PREX2: variants seen among roughly 807,000 people sequenced by gnomAD.
PREX2 encodes the protein phosphatidylinositol 3,4,5-trisphosphate-dependent Rac exchanger 2 protein.
A neutral mutation model predicts 203.2 loss-of-function variants in PREX2; 107 were observed. That is an observed-to-expected ratio of 0.53 (90% CI 0.45 to 0.62). PREX2 has a LOEUF of 0.62. Ranked by LOEUF, PREX2 falls within the 20% of genes least tolerant of loss-of-function variation. The pLI is 0.00. For synonymous variants in PREX2, 672 were observed against 663.6 expected, an observed-to-expected ratio of 1.01 and a Z score of -0.19; for missense variants, 1,777 against 1,955.9, an observed-to-expected ratio of 0.91 and a Z score of 1.72.
At position 68,098,560 on chromosome 8, in the gene PREX2, CCAGGTTA is replaced by C. The variant is rs1426081993; in HGVS notation, c.2554-1121_2554-1115del. On this transcript the variant is annotated intron_variant, in intron 22 of 39. Transcript: ENST00000288368. The stretch of plus-strand genomic sequence containing the variant: ...ATGGGATCCATGTAAAAGTTTGGAA[CCAGGTTA>C]TTATAATTATTTTCTCATTTTCCAG... 3.3e-5 allele frequency among the ~76,000 whole-genome samples: 5 copies of C among 152,002 alleles called. No individual in the cohort carries two copies. In the East Asian group the frequency reaches 7.7e-4, roughly 24 times the overall value.
chr8:68,046,877 A>G (rs571759546), intron 8 of PREX2, among the ~76,000 whole-genome samples: 1 of 151,586 alleles, frequency 6.6e-6, no homozygotes, highest in Non-Finnish European at 1.5e-5. Context: ...TCTCATGGCT[A>G]TATCCACTAG....
Position 68,230,255 on chromosome 8 carries a change from T to C in PREX2, c.4776-1078T>C, listed in dbSNP as rs535983424. ...GGAAATTTATAATTTGCTAAATTGA[T>C]CAACAACATTGAAGCTGTTTTCAAT... is the stretch of plus-strand genomic sequence containing the variant. On this transcript the variant is annotated intron_variant, in intron 39 of 39. Coordinates refer to ENST00000288368, the MANE Select transcript of PREX2 (RefSeq NM_024870.4). 1.6e-4 allele frequency among the ~76,000 whole-genome samples: 25 copies of C among 152,358 alleles called. No individual in the cohort carries two copies. In the South Asian group the frequency reaches 3.5e-3, roughly 21 times the overall value.
chr8:68,037,455 G>C (rs1023978639), intron 6 of PREX2, among the ~76,000 whole-genome samples: 1 of 152,148 alleles, frequency 6.6e-6, no homozygotes, highest in Non-Finnish European at 1.5e-5. Context: ...AACTCAGGGG[G>C]CAGCTTTCCT....
At chr8:67,968,609 A>T (rs899290596) in intron 1 of PREX2, among the ~76,000 whole-genome samples, 4 of 152,144 alleles carry the variant, frequency 2.6e-5, no homozygotes, top group African/African-American at 9.7e-5. Context: ...CTTTAAGGAG[A>T]CCTTTCTGTG....
At chr8:68,126,322 C>T (rs560630189) in intron 30 of PREX2, among the ~76,000 whole-genome samples, 1 of 152,198 alleles carries the variant, frequency 6.6e-6, no homozygotes, top group Admixed American at 6.6e-5. Context: ...AAACAAATTT[C>T]AAAGACTTTT....
In PREX2 at chr8:68,192,320, A is replaced by G; in HGVS notation, c.4414-15A>G. The G allele has an allele frequency of 6.4e-7, 1 of 1,569,320 alleles. No individual in the cohort carries two copies. The highest frequency in any genetic ancestry group is 1.9e-5 in the Admixed American group (1 of 54,052). On this transcript the variant is annotated splice_polypyrimidine_tract_variant and intron_variant, in intron 36 of 39. Transcript: ENST00000288368. ...AAACATGTTGAACTTGACGTTCATCACTTTTTTTCTGCAGCTAATGAGGCC... is the reference window on the plus strand; with the variant it reads ...AAACATGTTGAACTTGACGTTCATCGCTTTTTTTCTGCAGCTAATGAGGCC...
intron 21 of PREX2, among the ~76,000 whole-genome samples, chr8:68,096,261 G>C (rs1810069427): frequency 6.6e-6 from 1 of 152,082 alleles, no homozygotes; most frequent in South Asian, 2.1e-4. Flanking sequence ...CTAGGACTTA[G>C]TTACTTTAAG....
At chr8:68,076,060 A>C (rs1049896694) in intron 14 of PREX2, among the ~76,000 whole-genome samples, 1 of 152,216 alleles carries the variant, frequency 6.6e-6, no homozygotes, top group African/African-American at 2.4e-5. Flanking sequence ...GATAGCATAA[A>C]ACCAAGATAT....
chr8:68,106,635 AAG>A (rs1490282580), intron 23 of PREX2, among the ~76,000 whole-genome samples: 1 of 152,162 alleles, frequency 6.6e-6, no homozygotes, highest in African/African-American at 2.4e-5. Flanking sequence ...GTATACATAT[AAG>A]AGAGTCCCTG....
intron 39 of PREX2, among the ~76,000 whole-genome samples, chr8:68,225,761 G>T (rs1324236982): frequency 6.6e-6 from 1 of 152,142 alleles, no homozygotes; most frequent in African/African-American, 2.4e-5. Context: ...TTTCACAGTT[G>T]ATTAGGTTAG....
At chr8:68,009,455 G>T (rs928088820) in intron 1 of PREX2, among the ~76,000 whole-genome samples, 1 of 152,038 alleles carries the variant, frequency 6.6e-6, no homozygotes, top group Non-Finnish European at 1.5e-5. Context: ...TAGTCTACTG[G>T]CATCTCTATA....
At chr8:68,206,962 C>T (rs1812637159) in intron 37 of PREX2, among the ~76,000 whole-genome samples, 2 of 152,104 alleles carry the variant, frequency 1.3e-5, no homozygotes, top group South Asian at 4.1e-4. Context: ...CAAAGGAGAG[C>T]ATACATACTT....
chr8:68,059,714 G>A (rs751221307), intron 10 of PREX2, among the ~76,000 whole-genome samples: 1 of 152,168 alleles, frequency 6.6e-6, no homozygotes, highest in African/African-American at 2.4e-5. Flanking sequence ...GCCAGACGGG[G>A]CTCTTAGATT....
intron 35 of PREX2, among the ~76,000 whole-genome samples, chr8:68,187,454 T>C (rs1295156961): frequency 1.3e-5 from 2 of 152,226 alleles, no homozygotes; most frequent in East Asian, 3.8e-4. Flanking sequence ...ACTTGAGTTA[T>C]AGTTATTATT....
chr8:68,220,187 ATACTTTTCATACAGT>A (rs1812927871), intron 38 of PREX2: 1 of 152,076 alleles, frequency 6.6e-6, no homozygotes, highest in South Asian at 2.1e-4. Context: ...TTTTGTGTAT[ATACTTTTCATACAGT>A]TGTTATTTTA....
chr8:68,121,589 A>G (rs1810775659), intron 30 of PREX2, among the ~76,000 whole-genome samples: 1 of 152,164 alleles, frequency 6.6e-6, no homozygotes, highest in African/African-American at 2.4e-5. Flanking sequence ...CTTTGAGACG[A>G]CTTCATTGAG....
chr8:68,004,047 G>A (rs1807023887), intron 1 of PREX2, among the ~76,000 whole-genome samples: 1 of 152,028 alleles, frequency 6.6e-6, no homozygotes, highest in South Asian at 2.1e-4. Flanking sequence ...ATAGAGACAG[G>A]GCTTCACCAT....
At chr8:68,113,435 G>A (rs1168706709) in intron 25 of PREX2, among the ~76,000 whole-genome samples, 3 of 152,110 alleles carry the variant, frequency 2.0e-5, no homozygotes, top group Non-Finnish European at 4.4e-5. Flanking sequence ...TTGGATAATT[G>A]GAGTTAGTCT....
chr8:68,113,815 G>A (rs184129691), intron 25 of PREX2, among the ~76,000 whole-genome samples: 8 of 152,248 alleles, frequency 5.3e-5, no homozygotes, highest in Admixed American at 4.6e-4. Context: ...TAGAATTTGA[G>A]CTCCAAGAAG....
Sources: gnomAD v4.1 joint callset for allele counts (sites outside exome capture counted in the v4.1 genomes callset) on GRCh38, gnomAD v4.1.1 for gene constraint, MANE v1.5 for transcripts, NCBI Gene and HGNC (gene_info 2026-07-23, HGNC 2026-07-21) for gene names.